SDK1: variants seen among roughly 807,000 people sequenced by gnomAD.
SDK1 encodes the protein protein sidekick-1.
A neutral mutation model predicts 245.5 loss-of-function variants in SDK1; 157 were observed. The observed-to-expected ratio is 0.64, with a 90% confidence interval of 0.56 to 0.73. The LOEUF is 0.73. Ranked by LOEUF, SDK1 falls within the 30% of genes least tolerant of loss-of-function variation. The pLI, the probability that SDK1 is intolerant of heterozygous loss-of-function variation, is 0.00. For missense variants in SDK1, 3,583 were observed against 3,002.3 expected, an observed-to-expected ratio of 1.19 and a Z score of -4.52; for synonymous variants, 1,647 against 1,278.5, an observed-to-expected ratio of 1.29 and a Z score of -6.15.
chr7:4,232,953 C>A, intron 40 of SDK1: 1 of 239,334 alleles, frequency 4.2e-6, no homozygotes, highest in Non-Finnish European at 8.1e-6. Flanking sequence ...ATAAATCATA[C>A]ATACATATAT....
At chr7:3,717,122 A>G (rs1019113848) in intron 4 of SDK1, among the ~76,000 whole-genome samples, 12 of 152,230 alleles carry the variant, frequency 7.9e-5, no homozygotes, top group Non-Finnish European at 5.9e-5. Context: ...GAATGAGGAT[A>G]CAAGTAGGCT....
chr7:3,772,740 A>G (rs918904012), intron 4 of SDK1, among the ~76,000 whole-genome samples: 2 of 152,088 alleles, frequency 1.3e-5, no homozygotes, highest in African/African-American at 4.8e-5. Flanking sequence ...TCCTTTTAGC[A>G]TTTTTTGCAG....
At chr7:3,825,363 C>A (rs1394746185) in intron 5 of SDK1, among the ~76,000 whole-genome samples, 1 of 141,402 alleles carries the variant, frequency 7.1e-6, no homozygotes, top group Non-Finnish European at 1.5e-5. Context: ...GAGACGAATT[C>A]TATACAGTGG....
At chr7:3,939,876 A>G (rs2128120888) in intron 5 of SDK1, among the ~76,000 whole-genome samples, 1 of 152,336 alleles carries the variant, frequency 6.6e-6, no homozygotes, top group South Asian at 2.1e-4. Context: ...GACAGTCTTC[A>G]CGTAGTCCCA....
At position 4,174,422 on chromosome 7, in the gene SDK1, C is replaced by T; in HGVS notation, c.4936+65C>T. On this transcript the variant is annotated intron_variant, in intron 33 of 44. Coordinates refer to ENST00000404826, the MANE Select transcript of SDK1 (RefSeq NM_152744.4). ...TCCCAGGGGACCCTTGGTATCTGCT[C>T]AGTGCACATCATGGTGGGAAACGCT... 5 of 1,496,090 alleles carry T rather than the reference C, an allele frequency of 3.3e-6. No homozygotes were observed. In the East Asian group the frequency reaches 6.8e-5, roughly 20 times the overall value. 92.7% of individuals were successfully genotyped at this position (1,496,090 alleles called of 1,614,324 possible).
At chr7:3,595,809 C>A (rs555591924) in intron 1 of SDK1, among the ~76,000 whole-genome samples, 1 of 101,752 alleles carries the variant, frequency 9.8e-6, no homozygotes, top group African/African-American at 3.9e-5. Flanking sequence ...GCCTGGTCGA[C>A]AGAGTTAAGA....
intron 1 of SDK1, among the ~76,000 whole-genome samples, chr7:3,511,924 C>G (rs1046731408): frequency 1.3e-5 from 2 of 149,594 alleles, no homozygotes; most frequent in Admixed American, 1.3e-4. Context: ...CATCCCCCAC[C>G]GGAGTGGTAT....
intron 1 of SDK1, among the ~76,000 whole-genome samples, chr7:3,607,307 A>G (rs905005679): frequency 5.9e-5 from 9 of 152,314 alleles, no homozygotes; most frequent in African/African-American, 1.9e-4. Context: ...ATAAATCACT[A>G]CAACTTCTGT....
At chr7:4,140,433 G>A (rs1010639686) in intron 28 of SDK1, among the ~76,000 whole-genome samples, 3 of 152,306 alleles carry the variant, frequency 2.0e-5, no homozygotes, top group South Asian at 4.1e-4. Context: ...CACGATGAGG[G>A]GCTGTTTCTT....
At chr7:3,588,134 A>G (rs1334387036) in intron 1 of SDK1, among the ~76,000 whole-genome samples, 1 of 152,198 alleles carries the variant, frequency 6.6e-6, no homozygotes, top group Non-Finnish European at 1.5e-5. Context: ...CAGGTAAGGG[A>G]GCTGAGTTAC....
chr7:3,816,338 T>C (rs1355944230), intron 4 of SDK1, among the ~76,000 whole-genome samples: 1 of 149,814 alleles, frequency 6.7e-6, no homozygotes, highest in Admixed American at 6.6e-5. Flanking sequence ...ACAAAATTGA[T>C]AGACCGCTAG....
At chr7:3,731,033 A>G (rs1220499327) in intron 4 of SDK1, among the ~76,000 whole-genome samples, 1 of 152,188 alleles carries the variant, frequency 6.6e-6, no homozygotes, top group Non-Finnish European at 1.5e-5. Flanking sequence ...GTTGCTGTGT[A>G]ACAAAACCCC....
chr7:3,619,126 C>A lies in SDK1; in HGVS notation c.345C>A (p.Ile115=), dbSNP rs758004289. 7 of 1,613,348 alleles carry A rather than the reference C, an allele frequency of 4.3e-6. No homozygotes were observed. The East Asian group carries it at 1.3e-4, about 31-fold the overall frequency. Residue 115 remains isoleucine (I), a synonymous_variant, in exon 2 of 45, where the codon ATC becomes ATA. Transcript: ENST00000404826. ...YFKTEPGLPQ[I]HLEGNRLVLT... is the part of the protein sequence containing the mutation. ...AAACGGAGCCAGGCCTACCACAGAT[C>A]CACCTGGAAGGGAACCGCCTTGTTC... is the stretch of plus-strand genomic sequence containing the variant.
chr7:4,263,480 G>A (rs1254888497), intron 44 of SDK1, among the ~76,000 whole-genome samples: 12 of 144,282 alleles, frequency 8.3e-5, no homozygotes, highest in South Asian at 2.3e-4. Flanking sequence ...GGGAGTCCGC[G>A]TAGATCTCTC....
chr7:4,021,340 G>T (rs888514782), intron 17 of SDK1, among the ~76,000 whole-genome samples: 1 of 152,180 alleles, frequency 6.6e-6, no homozygotes, highest in Non-Finnish European at 1.5e-5. Flanking sequence ...AACGGGCTAT[G>T]GACACGAGGG....
chr7:3,389,573 T>C (rs1363096468), intron 1 of SDK1, among the ~76,000 whole-genome samples: 1 of 152,126 alleles, frequency 6.6e-6, no homozygotes, highest in African/African-American at 2.4e-5. Flanking sequence ...TTTTAAGCCA[T>C]AGGTCTATTG....
chr7:3,373,481 T>A (rs1484895478), intron 1 of SDK1, among the ~76,000 whole-genome samples: 2 of 152,056 alleles, frequency 1.3e-5, no homozygotes, highest in Non-Finnish European at 2.9e-5. Flanking sequence ...AAAAAGAAAA[T>A]CCCTTAGTAA....
At chr7:4,124,611 G>T (rs1356603685) in intron 25 of SDK1, among the ~76,000 whole-genome samples, 1 of 152,212 alleles carries the variant, frequency 6.6e-6, no homozygotes, top group Non-Finnish European at 1.5e-5. Context: ...GATACCGGAG[G>T]TTAGGATAAC....
intron 32 of SDK1, among the ~76,000 whole-genome samples, chr7:4,173,884 C>T (rs1260970568): frequency 6.6e-6 from 1 of 152,220 alleles, no homozygotes; most frequent in Non-Finnish European, 1.5e-5. Context: ...GCTCTGGGCT[C>T]ACCACACAGC....
Sources: allele counts gnomAD v4.1 joint callset (sites outside exome capture counted in the v4.1 genomes callset), GRCh38; gene constraint gnomAD v4.1.1; transcripts MANE v1.5; gene names NCBI Gene and HGNC (gene_info 2026-07-23, HGNC 2026-07-21).